The following VPS50 variants were observed in gnomAD, a reference collection of about 807,000 sequenced individuals.
The protein encoded by VPS50 is syndetin.
In VPS50, 70 loss-of-function variants were observed where a neutral mutation model predicts 139.7. The ratio of observed to expected loss-of-function variants is 0.50; its 90% CI spans 0.41 to 0.61. VPS50 has a LOEUF of 0.61. Among genes scored for constraint, VPS50 ranks in the 20% least tolerant of loss-of-function variants. The pLI, the probability that VPS50 is intolerant of heterozygous loss-of-function variation, is 0.00. For synonymous variants in VPS50, 365 were observed against 376.7 expected (o/e 0.97, Z 0.36); for missense variants, 921 against 1,133.7 (o/e 0.81, Z 2.69).
At chr7:93,312,118 T>G (rs149983536) in intron 20 of VPS50, among the ~76,000 whole-genome samples, 2 of 152,154 alleles carry the variant, frequency 1.3e-5, no homozygotes, top group Admixed American at 1.3e-4. Flanking sequence ...TACAGAATGC[T>G]TTTTAGGAGT....
At chr7:93,243,504 G>T (rs200299211) in intron 2 of VPS50, among the ~76,000 whole-genome samples, 2 of 152,074 alleles carry the variant, frequency 1.3e-5, no homozygotes, top group East Asian at 3.9e-4. Context: ...AAATTGTTTG[G>T]AAGTTTTACT....
chr7:93,248,043 A>G (rs575204876), intron 2 of VPS50, among the ~76,000 whole-genome samples: 285 of 152,104 alleles, frequency 1.9e-3, no homozygotes, highest in Non-Finnish European at 2.9e-3. Context: ...TTATTTTTGG[A>G]CTTTCAAGTT....
At position 93,311,286 on chromosome 7, in the gene VPS50, C is replaced by G. The variant is rs542652274; in HGVS notation, c.1855+14C>G. The G allele has an allele frequency of 2.7e-5, 25 of 929,328 alleles. No homozygotes were observed. In the Middle Eastern group the frequency reaches 2.6e-3, roughly 97 times the overall value. 57.6% of individuals were successfully genotyped at this position (929,328 alleles called of 1,614,324 possible). A position where few individuals can be genotyped will look rare whatever the true frequency, so the allele number is the denominator to read the frequency against. On this transcript the variant is annotated intron_variant, in intron 20 of 27. Coordinates refer to ENST00000305866, the MANE Select transcript of VPS50 (RefSeq NM_017667.4). ...TAAGACTTGTTGGTAAGTAGCTACACCTTTAAAAAAAATTATAACAGTTAA... is the reference window on the plus strand; with the variant it reads ...TAAGACTTGTTGGTAAGTAGCTACAGCTTTAAAAAAAATTATAACAGTTAA...
rs756566977 is a variant in VPS50, at chr7:93,259,608, C to G, written c.635C>G (p.Thr212Ser). 1 of 1,593,178 alleles carries G rather than the reference C, an allele frequency of 6.3e-7. No homozygotes were observed. The highest frequency in any genetic ancestry group is 1.3e-5 in the African/African-American group (1 of 74,382). Residue 212 changes from threonine to serine, a missense_variant, in exon 9 of 28, where the codon ACT becomes AGT. Thr to Ser is a moderately conservative substitution (Grantham distance 58). Around this residue, in one of 3 missense-constraint regions of VPS50, gnomAD observed 744 missense variants for 930.6 expected, o/e 0.80. Coordinates refer to ENST00000305866, the MANE Select transcript of VPS50 (RefSeq NM_017667.4). ...LCLECQKAAS[T>S]FKHYSCISEL... Reference sequence around the variant, plus strand: ...CTTGAATGTCAAAAAGCTGCCAGCACTTTTAAACATTACAGTTGTATAAGG... The same window carrying G: ...CTTGAATGTCAAAAAGCTGCCAGCAGTTTTAAACATTACAGTTGTATAAGG...
intron 2 of VPS50, among the ~76,000 whole-genome samples, chr7:93,249,048 GT>G (rs2116809173): frequency 6.6e-6 from 1 of 151,978 alleles, no homozygotes; most frequent in African/African-American, 2.4e-5. Context: ...CTTAGTCCAG[GT>G]TTCTTACACT....
In VPS50 at chr7:93,252,730, A is replaced by G. The variant is rs778934135; in HGVS notation, c.180A>G (p.Val60=). Reference sequence around the variant, plus strand: ...AGCTTATTAATAGTATTGAACAAGTATATTTTTCTGTGGATTCATTTGATA... The same window carrying G: ...AGCTTATTAATAGTATTGAACAAGTGTATTTTTCTGTGGATTCATTTGATA... The part of the protein sequence containing the change: ...EQELINSIEQ[V]YFSVDSFDIV... Residue 60 remains valine (V), a synonymous_variant, in exon 3 of 28, where the codon GTA becomes GTG. Transcript: ENST00000305866. The G allele has an allele frequency of 8.2e-6, 13 of 1,586,584 alleles. No individual in the cohort carries two copies. In the South Asian group the frequency reaches 1.3e-4, roughly 16 times the overall value.
In VPS50 at chr7:93,319,725, C is replaced by T. The variant is rs142128410; in HGVS notation, c.1856-3886C>T. Among the ~76,000 whole-genome samples, 787 of 152,238 alleles carry T rather than the reference C, an allele frequency of 5.2e-3. 6 individuals carry two copies. The highest frequency in any genetic ancestry group is 9.2e-3 in the Non-Finnish European group (629 of 68,012). ...AGGCTCCTGTGTTCCTCAACTATTACTGACACTAGTATTTCTTTGATAATT... is the reference window on the plus strand; with the variant it reads ...AGGCTCCTGTGTTCCTCAACTATTATTGACACTAGTATTTCTTTGATAATT... On this transcript the variant is annotated intron_variant, in intron 20 of 27. Coordinates refer to ENST00000305866, the MANE Select transcript of VPS50 (RefSeq NM_017667.4).
At chr7:93,341,869 C>T (rs752275715) in intron 23 of VPS50, among the ~76,000 whole-genome samples, 10 of 152,156 alleles carry the variant, frequency 6.6e-5, no homozygotes, top group Non-Finnish European at 1.3e-4. Context: ...TTCATATTTT[C>T]CTATTGATGA....
chr7:93,355,203 C>G (rs1798671818), intron 26 of VPS50, among the ~76,000 whole-genome samples: 1 of 150,550 alleles, frequency 6.6e-6, no homozygotes. Context: ...GTACCTCATT[C>G]CCACAGTTGA....
intron 12 of VPS50, among the ~76,000 whole-genome samples, chr7:93,277,100 A>T (rs1056102184): frequency 6.6e-6 from 1 of 152,146 alleles, no homozygotes; most frequent in African/African-American, 2.4e-5. Context: ...TAAAGAAGAC[A>T]TGAGGGCCCT....
chr7:93,344,621 A>T (rs1798333309), intron 23 of VPS50, among the ~76,000 whole-genome samples: 1 of 151,814 alleles, frequency 6.6e-6, no homozygotes. Flanking sequence ...CAGAAATTAT[A>T]ACAAACTATC....
At chr7:93,311,328 A>G in intron 20 of VPS50, 56 bp downstream of exon 20, 1 of 821,738 alleles carries the variant, frequency 1.2e-6, no homozygotes, top group Non-Finnish European at 2.1e-6. Context: ...TTGTTACCGA[A>G]TGACTTTTAC....
At chr7:93,322,164 T>TATTA (rs1243553884) in intron 20 of VPS50, among the ~76,000 whole-genome samples, 2 of 152,210 alleles carry the variant, frequency 1.3e-5, no homozygotes, top group African/African-American at 4.8e-5. Flanking sequence ...CTTGACCATC[T>TATTA]ATTATTTAAA....
intron 8 of VPS50, chr7:93,259,303 A>T (rs1795593328): frequency 6.3e-6 from 2 of 315,494 alleles, no homozygotes; most frequent in East Asian, 5.1e-5. Flanking sequence ...AGTCATGGAA[A>T]TGGTCTCAGG....
At chr7:93,237,759 T>G (rs762940365) in intron 1 of VPS50, among the ~76,000 whole-genome samples, 3 of 152,204 alleles carry the variant, frequency 2.0e-5, no homozygotes, top group Non-Finnish European at 4.4e-5. Context: ...TTTTTTTTAT[T>G]TTTAGTTCAA....
chr7:93,278,487 C>T (rs1400678065), intron 12 of VPS50, among the ~76,000 whole-genome samples: 1 of 149,080 alleles, frequency 6.7e-6, no homozygotes, highest in African/African-American at 2.5e-5. Context: ...ATCCCTGCTA[C>T]TGGGAAGGCT....
chr7:93,273,017 T>A (rs1796055793), intron 11 of VPS50: 1 of 178,544 alleles, frequency 5.6e-6, no homozygotes, highest in Non-Finnish European at 1.2e-5. Context: ...ATAAGATAAT[T>A]CAGTGGGAGA....
intron 9 of VPS50, among the ~76,000 whole-genome samples, chr7:93,267,779 T>C (rs1221750526): frequency 6.6e-6 from 1 of 152,192 alleles, no homozygotes; most frequent in Non-Finnish European, 1.5e-5. Flanking sequence ...GAGCACTATG[T>C]ACAAGAACTG....
chr7:93,301,154 G>A (rs890128397), intron 16 of VPS50, among the ~76,000 whole-genome samples: 11 of 151,894 alleles, frequency 7.2e-5, no homozygotes, highest in African/African-American at 2.4e-4. Context: ...AAAATTACCC[G>A]GGCGTGGTGG....
Sources: gnomAD v4.1 joint callset for allele counts (sites outside exome capture counted in the v4.1 genomes callset) on GRCh38, gnomAD v4.1.1 for gene constraint, gnomAD v4.1.1 regional missense constraint, MANE v1.5 for transcripts, NCBI Gene and HGNC (gene_info 2026-07-23, HGNC 2026-07-21) for gene names.